PRSS23: variants seen among roughly 807,000 people sequenced by gnomAD.
PRSS23 encodes the protein protease, serine 23.
Under a neutral mutation model 34.7 loss-of-function variants are expected in PRSS23, and 25 were observed. The ratio of observed to expected loss-of-function variants is 0.72; its 90% CI spans 0.53 to 1.01. PRSS23 has a LOEUF of 1.01. PRSS23 is among the 50% of genes least tolerant of loss of function. The pLI is 0.00. For synonymous variants in PRSS23, 176 were observed against 186.6 expected, an observed-to-expected ratio of 0.94 and a Z score of 0.46; for missense variants, 445 against 475.6, an observed-to-expected ratio of 0.94 and a Z score of 0.60.
chr11:86,801,161 G>A (rs1160326474), intron 1 of PRSS23, among the ~76,000 whole-genome samples: 1 of 152,194 alleles, frequency 6.6e-6, no homozygotes, highest in Non-Finnish European at 1.5e-5. Context: ...AATACAGGCT[G>A]GGAAATAGAA....
rs1459651196 is a variant in PRSS23, at chr11:86,808,461, CA to C, written c.819del (p.Gly275AlafsTer48). 8 of 1,614,074 alleles carry C rather than the reference CA, an allele frequency of 5.0e-6. No individual in the cohort carries two copies. The highest frequency in any genetic ancestry group is 6.8e-6 in the Non-Finnish European group (8 of 1,180,046). ...GTGAGCCCTCCTGCTAAGCAGCTGC[CA>C]GGGGGCAGAATTCACTTCTCTGGTT... is the stretch of plus-strand genomic sequence containing the variant. Reference protein sequence around the residue: ...IGVSPPAKQLPGGRIHFSGYD... With the variant: ...IGVSPPAKQLXGGRIHFSGYD... On this transcript the variant is annotated frameshift_variant, in exon 2 of 2. Transcript: ENST00000280258. LOFTEE classifies it high-confidence loss of function.
chr11:86,882,347 CT>C (rs1317549983), intron 2 of PRSS23, among the ~76,000 whole-genome samples: 3 of 152,188 alleles, frequency 2.0e-5, no homozygotes, highest in Non-Finnish European at 2.9e-5. Flanking sequence ...TCCTGATCCT[CT>C]CCCTCCTCCC....
At chr11:86,943,661 A>T (rs1310197212) in intron 2 of PRSS23, among the ~76,000 whole-genome samples, 3 of 152,174 alleles carry the variant, frequency 2.0e-5, no homozygotes, top group Non-Finnish European at 4.4e-5. Context: ...AAAAAATAGA[A>T]ATCAGAGGGA....
intron 2 of PRSS23, among the ~76,000 whole-genome samples, chr11:86,877,773 C>A (rs1479320000): frequency 6.7e-6 from 1 of 148,884 alleles, no homozygotes; most frequent in Non-Finnish European, 1.5e-5. Context: ...AACTCTCCAA[C>A]TTTGTTTGTT....
rs1273152484 is a variant in PRSS23 at position 86,852,299 on chromosome 11, G to A, written c.206+28706G>A. Among the ~76,000 whole-genome samples, 9 of 152,202 alleles carry A rather than the reference G, an allele frequency of 5.9e-5. No individual in the cohort carries two copies. The East Asian group carries it at 1.3e-3, about 23-fold the overall frequency. ...CTGCAGGGCTGGAGGCACAGACTGA[G>A]TATTTACTATTCTATGGCCTGTGGG... On this transcript the variant is annotated intron_variant, in intron 2 of 2. Coordinates refer to the PRSS23 transcript ENST00000533902.
intron 2 of PRSS23, among the ~76,000 whole-genome samples, chr11:86,826,254 A>C (rs1197174763): frequency 2.0e-5 from 3 of 150,532 alleles, no homozygotes; most frequent in African/African-American, 7.5e-5. Flanking sequence ...TGTGAATGGG[A>C]GTTCACTCAT....
chr11:86,864,208 T>A (rs1258022560), intron 2 of PRSS23, among the ~76,000 whole-genome samples: 2 of 149,348 alleles, frequency 1.3e-5, no homozygotes, highest in Non-Finnish European at 3.0e-5. Context: ...ATGATGGTGA[T>A]TATTTAAACT....
intron 2 of PRSS23, among the ~76,000 whole-genome samples, chr11:86,930,519 C>T (rs915359852): frequency 8.5e-5 from 13 of 152,086 alleles, no homozygotes; most frequent in African/African-American, 2.9e-4. Context: ...GGGCCGGGCG[C>T]GGCGGCTCAC....
chr11:86,872,941 C>G (rs1948694578), intron 2 of PRSS23, among the ~76,000 whole-genome samples: 1 of 152,106 alleles, frequency 6.6e-6, no homozygotes, highest in South Asian at 2.1e-4. Flanking sequence ...TCTAAAGACT[C>G]TACCACAGAG....
rs186971230 is a variant in PRSS23 at position 86,866,131 on chromosome 11, T to C, written c.206+42538T>C. ...TGATCTTTTTCAATTTTTTCTTGCATTTAAAAACAGAGCCACAAAGGGGTG... is the reference window on the plus strand; with the variant it reads ...TGATCTTTTTCAATTTTTTCTTGCACTTAAAAACAGAGCCACAAAGGGGTG... On this transcript the variant is annotated intron_variant, in intron 2 of 2. Coordinates refer to the PRSS23 transcript ENST00000533902. Among the ~76,000 whole-genome samples the C allele has an allele frequency of 5.6e-4, 86 of 152,308 alleles. No individual in the cohort carries two copies. The East Asian group carries it at 0.016, about 28-fold the overall frequency.
intron 1 of PRSS23, among the ~76,000 whole-genome samples, chr11:86,804,679 T>G (rs1052700074): frequency 2.0e-5 from 3 of 152,226 alleles, no homozygotes; most frequent in African/African-American, 7.2e-5. Context: ...AGTAATATTC[T>G]ATCATGCAGT....
chr11:86,809,245 A>G lies in PRSS23; in HGVS notation c.*450A>G, dbSNP rs1337226546. On this transcript the variant is annotated 3_prime_UTR_variant, in exon 2 of 2. Transcript: ENST00000280258. ...TGGTGGTGGGTTTTTTTGTTTTTTT[A>G]ATTCAGTGCCTGATCTTTAATGCTT... is the stretch of plus-strand genomic sequence containing the variant. 1.2e-5 allele frequency: 2 copies of G among 168,108 alleles called. No homozygotes were observed. Among genetic ancestry groups the G allele is most frequent in the African/African-American group, 4.8e-5 (2 of 41,374 alleles). The allele number at this position is 168,108 out of a possible 1,614,324, so 10.4% of individuals were successfully genotyped here.
intron 2 of PRSS23, among the ~76,000 whole-genome samples, chr11:86,901,630 C>A (rs1948912680): frequency 6.6e-6 from 1 of 152,110 alleles, no homozygotes; most frequent in Admixed American, 6.5e-5. Flanking sequence ...AATTCAAAGT[C>A]TCTTGAGAGG....
intron 2 of PRSS23, among the ~76,000 whole-genome samples, chr11:86,835,961 AC>A (rs1375772787): frequency 6.6e-6 from 1 of 152,122 alleles, no homozygotes; most frequent in Non-Finnish European, 1.5e-5. Flanking sequence ...CTATCCCTGA[AC>A]CCTTTCGGTA....
At chr11:86,942,332 G>T (rs1158508861) in intron 2 of PRSS23, among the ~76,000 whole-genome samples, 1 of 152,220 alleles carries the variant, frequency 6.6e-6, no homozygotes, top group African/African-American at 2.4e-5. Context: ...AGGCAAAGGG[G>T]TGAGAGGAAC....
At position 86,807,715 on chromosome 11, in the gene PRSS23, C is replaced by G. The variant is rs1327482003; in HGVS notation, c.72C>G (p.Tyr24Ter). Residue 24 changes from tyrosine (Y) to a stop codon, truncating the protein, a stop_gained, in exon 2 of 2, where the codon TAC becomes TAG. Coordinates refer to ENST00000280258, the MANE Select transcript of PRSS23 (RefSeq NM_007173.6). LOFTEE classifies it high-confidence loss of function. ...GTGCTGTTGGGCAAGTGAGCCCTTA[C>G]AGTGCCCCCTGGAAACCCACTTGGC... ...LLCAVGQVSP[Y>*]SAPWKPTWPA... The G allele has an allele frequency of 1.2e-6, 2 of 1,614,100 alleles. No homozygotes were observed. The highest frequency in any genetic ancestry group is 1.7e-6 in the Non-Finnish European group (2 of 1,179,978).
intron 2 of PRSS23, among the ~76,000 whole-genome samples, chr11:86,846,769 ACCCAGAAGATC>A (rs1225417953): frequency 6.6e-6 from 1 of 152,198 alleles, no homozygotes; most frequent in Non-Finnish European, 1.5e-5. Flanking sequence ...TTGGGGTGGC[ACCCAGAAGATC>A]CCTGTTCATG....
intron 2 of PRSS23, among the ~76,000 whole-genome samples, chr11:86,925,295 A>AGTGTGTGTGTGTGTGTGGGT (rs1949073417): frequency 6.7e-6 from 1 of 148,996 alleles, no homozygotes; most frequent in Non-Finnish European, 1.5e-5. Context: ...GTTTAACTGG[A>AGTGTGTGTGTGTGTGTGGGT]GTGTGTGTGT....
chr11:86,833,829 A>C (rs1205455176), intron 2 of PRSS23, among the ~76,000 whole-genome samples: 1 of 152,064 alleles, frequency 6.6e-6, no homozygotes, highest in Admixed American at 6.6e-5. Flanking sequence ...TCAACAGGAA[A>C]ACCCAAGTAC....
Sources: gnomAD v4.1 joint callset for allele counts (sites outside exome capture counted in the v4.1 genomes callset) on GRCh38, gnomAD v4.1.1 for gene constraint, MANE v1.5 for transcripts, NCBI Gene and HGNC (gene_info 2026-07-23, HGNC 2026-07-21) for gene names.